The following MCUB variants were observed in gnomAD, a reference collection of about 807,000 sequenced individuals.
MCUB encodes the protein mitochondrial calcium uniporter dominant negative subunit beta.
MCUB carries 46 observed loss-of-function variants against 41.4 expected under a neutral mutation model. The ratio of observed to expected loss-of-function variants is 1.11; its 90% CI spans 0.88 to 1.42. The LOEUF (loss-of-function observed/expected upper bound fraction) is 1.42, where lower values mean the gene tolerates loss of function less well. Ranked by LOEUF, MCUB falls within the 40% of genes most tolerant of loss-of-function variation. The probability of loss-of-function intolerance (pLI) is 0.00; values close to 1 mark genes in which losing one functional copy is unlikely to be tolerated. For missense variants in MCUB, 403 were observed against 404.9 expected (o/e 1.00, Z 0.04); for synonymous variants, 148 against 148.2 (o/e 1.00, Z 0.01).
chr4:109,566,807 G>T (rs1004866192), intron 1 of MCUB, among the ~76,000 whole-genome samples: 2 of 152,302 alleles, frequency 1.3e-5, no homozygotes, highest in South Asian at 2.1e-4. Flanking sequence ...TTCACGTGTC[G>T]CATTGCTAGC....
At chr4:109,604,585 T>C (rs1727827870) in intron 1 of MCUB, among the ~76,000 whole-genome samples, 1 of 152,176 alleles carries the variant, frequency 6.6e-6, no homozygotes, top group Non-Finnish European at 1.5e-5. Flanking sequence ...TGGGCATCCT[T>C]GTCGTGTTCC....
intron 1 of MCUB, among the ~76,000 whole-genome samples, chr4:109,612,909 A>G (rs908054672): frequency 7.2e-5 from 11 of 152,164 alleles, no homozygotes; most frequent in Admixed American, 1.3e-4. Flanking sequence ...GATCAAGACC[A>G]TCCTGGCTAA....
chr4:109,615,672 G>A (rs933224246), intron 1 of MCUB, among the ~76,000 whole-genome samples: 1 of 152,082 alleles, frequency 6.6e-6, no homozygotes, highest in Non-Finnish European at 1.5e-5. Context: ...GCCTCCCAAA[G>A]TGCTGGGATT....
intron 1 of MCUB, among the ~76,000 whole-genome samples, chr4:109,640,432 C>T (rs541074743): frequency 4.6e-5 from 7 of 152,336 alleles, no homozygotes; most frequent in Admixed American, 6.5e-5. Flanking sequence ...TCTTCCAATG[C>T]AAGGCAGTAT....
chr4:109,631,297 AG>A (rs1407674242), intron 1 of MCUB, among the ~76,000 whole-genome samples: 1 of 152,172 alleles, frequency 6.6e-6, no homozygotes, highest in Non-Finnish European at 1.5e-5. Flanking sequence ...CTAGTTGATG[AG>A]CTTTACTCAT....
chr4:109,574,927 CA>C (rs1172650435), intron 1 of MCUB, among the ~76,000 whole-genome samples: 2 of 151,768 alleles, frequency 1.3e-5, no homozygotes, highest in East Asian at 3.9e-4. Flanking sequence ...GACAGAGATC[CA>C]AAAAAAGTAT....
At chr4:109,560,512 C>A in intron 1 of MCUB, 76 bp downstream of exon 1, 3 of 711,646 alleles carry the variant, frequency 4.2e-6, no homozygotes, top group Non-Finnish European at 3.9e-6. Flanking sequence ...TTGGCGGGAG[C>A]AAAAGCCGAG....
intron 4 of MCUB, 137 bp downstream of exon 4, chr4:109,664,531 C>T: frequency 1.8e-6 from 1 of 556,046 alleles, no homozygotes; most frequent in Non-Finnish European, 3.2e-6. Context: ...CTCAAACAAT[C>T]CTCCCACCTC....
At chr4:109,645,682 C>T (rs1728818709) in intron 1 of MCUB, among the ~76,000 whole-genome samples, 1 of 152,172 alleles carries the variant, frequency 6.6e-6, no homozygotes, top group South Asian at 2.1e-4. Flanking sequence ...TATACTTTCT[C>T]TACTCACTGC....
At chr4:109,597,338 C>T (rs558289667) in intron 1 of MCUB, among the ~76,000 whole-genome samples, 8 of 141,564 alleles carry the variant, frequency 5.7e-5, no homozygotes, top group African/African-American at 1.1e-4. Flanking sequence ...ACCTCCCAGA[C>T]GGGGCGGCTG....
intron 1 of MCUB, among the ~76,000 whole-genome samples, chr4:109,616,182 T>G (rs1360207149): frequency 6.6e-6 from 1 of 152,236 alleles, no homozygotes; most frequent in African/African-American, 2.4e-5. Flanking sequence ...TTTTTCCCCT[T>G]TAGTGCATAT....
chr4:109,686,522 C>T (rs1408586507), intron 7 of MCUB, among the ~76,000 whole-genome samples: 2 of 152,056 alleles, frequency 1.3e-5, no homozygotes, highest in African/African-American at 4.8e-5. Flanking sequence ...TTGTGGATTC[C>T]CTTATATTTG....
At chr4:109,620,745 A>G (rs1728234060) in intron 1 of MCUB, among the ~76,000 whole-genome samples, 3 of 152,074 alleles carry the variant, frequency 2.0e-5, no homozygotes. Context: ...TGTCTTTATG[A>G]TGCTTTATAA....
chr4:109,625,215 A>G (rs1352856639), intron 1 of MCUB, among the ~76,000 whole-genome samples: 2 of 152,170 alleles, frequency 1.3e-5, no homozygotes, highest in Non-Finnish European at 2.9e-5. Context: ...CTGCTAAACC[A>G]TTAACAAGTA....
chr4:109,583,094 G>T lies in MCUB; in HGVS notation c.99+22658G>T, dbSNP rs145887406. Among the ~76,000 whole-genome samples, 657 of 152,190 alleles carry T rather than the reference G, an allele frequency of 4.3e-3. 8 individuals carry two copies. Among genetic ancestry groups the T allele is most frequent in the African/African-American group, 0.015 (603 of 41,542 alleles). On this transcript the variant is annotated intron_variant, in intron 1 of 7. Transcript: ENST00000394650. ...CTTTAAAGTAGTTTTTTCCAATTCTGTGAAGAAAGTCATTGATAGCTTGAT... is the reference window on the plus strand; with the variant it reads ...CTTTAAAGTAGTTTTTTCCAATTCTTTGAAGAAAGTCATTGATAGCTTGAT...
chr4:109,660,091 A>T, intron 2 of MCUB, 104 bp from the exon 3 acceptor site: 2 of 638,142 alleles, frequency 3.1e-6, no homozygotes, highest in South Asian at 4.2e-5. Flanking sequence ...AAGACTTCAG[A>T]GGTTTGTGAA....
At chr4:109,632,569 T>A (rs555835842) in intron 1 of MCUB, among the ~76,000 whole-genome samples, 1 of 151,938 alleles carries the variant, frequency 6.6e-6, no homozygotes, top group Non-Finnish European at 1.5e-5. Flanking sequence ...TGGTGATGAT[T>A]TTTTAGTTTT....
chr4:109,684,571 C>A lies in MCUB; in HGVS notation c.741C>A (p.Ile247=), dbSNP rs764674545. Residue 247 remains isoleucine (I), a synonymous_variant, in exon 6 of 8, where the codon ATC becomes ATA. Transcript: ENST00000394650. The part of the protein sequence containing the change: ...WLTWWVYSWD[I]MEPVTYFITF... ...CGTGGTGGGTGTACTCCTGGGATAT[C>A]ATGGAGCCAGTTACATACTTCATCA... 3 of 1,606,330 alleles carry A rather than the reference C, an allele frequency of 1.9e-6. No individual in the cohort carries two copies. The highest frequency in any genetic ancestry group is 2.6e-6 in the Non-Finnish European group (3 of 1,172,996).
chr4:109,684,767 G>A, intron 6 of MCUB, 121 bp downstream of exon 6: 2 of 591,268 alleles, frequency 3.4e-6, no homozygotes. Context: ...TTTATGAGCT[G>A]GTAAATTTTT....
Sources: allele counts gnomAD v4.1 joint callset (sites outside exome capture counted in the v4.1 genomes callset), GRCh38; gene constraint gnomAD v4.1.1; transcripts MANE v1.5; gene names NCBI Gene and HGNC (gene_info 2026-07-23, HGNC 2026-07-21).